The following TBC1D5 variants were observed in gnomAD, a reference collection of about 807,000 sequenced individuals.
TBC1D5 encodes the protein TBC1 domain family member 5.
TBC1D5 carries 75 observed loss-of-function variants against 100.3 expected under a neutral mutation model. The observed-to-expected ratio is 0.75, with a 90% CI of 0.62 to 0.91. The LOEUF is 0.91. Among genes scored for constraint, TBC1D5 ranks in the 40% least tolerant of loss-of-function variants. The pLI is 0.00. For missense variants in TBC1D5, 910 were observed against 942.4 expected, an observed-to-expected ratio of 0.97 and a Z score of 0.45; for synonymous variants, 323 against 325.6, an observed-to-expected ratio of 0.99 and a Z score of 0.09.
intron 3 of TBC1D5, among the ~76,000 whole-genome samples, chr3:17,485,984 C>T (rs1001379748): frequency 1.3e-5 from 2 of 152,000 alleles, no homozygotes; most frequent in Non-Finnish European, 2.9e-5. Context: ...CCTATTTCTC[C>T]ACATCCTCTC....
intron 16 of TBC1D5, among the ~76,000 whole-genome samples, chr3:17,239,420 C>T (rs1000192412): frequency 6.6e-6 from 1 of 152,108 alleles, no homozygotes; most frequent in Non-Finnish European, 1.5e-5. Flanking sequence ...TGTATATGTA[C>T]ACTAAATTCT....
chr3:17,240,690 C>T (rs926769785), intron 16 of TBC1D5, among the ~76,000 whole-genome samples: 2 of 152,112 alleles, frequency 1.3e-5, no homozygotes, highest in African/African-American at 4.8e-5. Flanking sequence ...GAAAAGCTAT[C>T]ATGGACTGAA....
intron 8 of TBC1D5, among the ~76,000 whole-genome samples, chr3:17,400,794 T>C (rs1340565484): frequency 5.3e-5 from 8 of 152,110 alleles, no homozygotes; most frequent in Admixed American, 2.0e-4. Flanking sequence ...GCCTTCATCT[T>C]TCTCCCACGG....
At chr3:17,326,088 G>A (rs1044851218) in intron 13 of TBC1D5, among the ~76,000 whole-genome samples, 3 of 152,060 alleles carry the variant, frequency 2.0e-5, no homozygotes, top group Non-Finnish European at 4.4e-5. Flanking sequence ...AGGAAGAAAA[G>A]AATATTAAAT....
intron 16 of TBC1D5, among the ~76,000 whole-genome samples, chr3:17,256,439 TA>T (rs1158478461): frequency 6.1e-5 from 9 of 148,316 alleles, no homozygotes; most frequent in Admixed American, 3.4e-4. Context: ...AATATATATA[TA>T]AACTCATTGT....
chr3:17,659,033 G>C (rs1439278956), intron 1 of TBC1D5, among the ~76,000 whole-genome samples: 3 of 152,158 alleles, frequency 2.0e-5, no homozygotes, highest in Non-Finnish European at 4.4e-5. Flanking sequence ...GCAAGATTCA[G>C]ATTCCCCATC....
At chr3:17,636,694 G>C (rs1033765138) in intron 1 of TBC1D5, among the ~76,000 whole-genome samples, 6 of 151,876 alleles carry the variant, frequency 4.0e-5, no homozygotes, top group Non-Finnish European at 8.8e-5. Context: ...CCAGCTACTA[G>C]GGAGGCTGAG....
chr3:17,529,423 C>A (rs986884947), intron 2 of TBC1D5, among the ~76,000 whole-genome samples: 15 of 152,076 alleles, frequency 9.9e-5, no homozygotes, highest in African/African-American at 2.4e-4. Flanking sequence ...TAGATTAGTT[C>A]TCTTCCTTAC....
intron 14 of TBC1D5, among the ~76,000 whole-genome samples, chr3:17,299,791 G>A (rs1006151514): frequency 3.3e-5 from 5 of 150,682 alleles, no homozygotes; most frequent in East Asian, 2.0e-4. Context: ...CCCGGGAGGC[G>A]GAGCTTGCAG....
chr3:17,514,341 AT>A (rs1414703134), intron 2 of TBC1D5, among the ~76,000 whole-genome samples: 5 of 152,348 alleles, frequency 3.3e-5, no homozygotes, highest in African/African-American at 9.6e-5. Flanking sequence ...GTCTTAATAC[AT>A]GTCATTCAAT....
intron 13 of TBC1D5, chr3:17,333,238 G>A (rs2087139225): frequency 6.6e-6 from 1 of 152,258 alleles, no homozygotes; most frequent in African/African-American, 2.4e-5. Flanking sequence ...CACTAATCTT[G>A]TAAACAATTT....
intron 1 of TBC1D5, among the ~76,000 whole-genome samples, chr3:17,652,305 T>C (rs1271549879): frequency 6.6e-6 from 1 of 152,094 alleles, no homozygotes; most frequent in African/African-American, 2.4e-5. Flanking sequence ...TTTTTAAAAA[T>C]CAATACTACA....
intron 19 of TBC1D5, among the ~76,000 whole-genome samples, chr3:17,181,981 A>G (rs998321203): frequency 6.6e-6 from 1 of 152,192 alleles, no homozygotes; most frequent in African/African-American, 2.4e-5. Context: ...TTCTCCTTTA[A>G]TAATGAGAAA....
chr3:17,699,416 A>G, intron 1 of TBC1D5, among the ~76,000 whole-genome samples: 1 of 117,604 alleles, frequency 8.5e-6, no homozygotes, highest in African/African-American at 3.1e-5. Context: ...GGGGGGAGGG[A>G]TAGCATTGGG....
intron 4 of TBC1D5, among the ~76,000 whole-genome samples, chr3:17,409,833 T>C (rs1186929003): frequency 6.6e-6 from 1 of 152,034 alleles, no homozygotes; most frequent in Non-Finnish European, 1.5e-5. Context: ...GTAGCAGAGG[T>C]TGGTTCACGA....
chr3:17,308,215 A>C (rs970179578), intron 13 of TBC1D5, 81 bp from the exon 14 acceptor site: 2 of 1,368,642 alleles, frequency 1.5e-6, no homozygotes, highest in Non-Finnish European at 9.6e-7. Flanking sequence ...AACTGTGAAA[A>C]ACTATTAACT....
At chr3:17,732,720 A>AAAAAAAAT (rs142854083) in intron 1 of TBC1D5, among the ~76,000 whole-genome samples, 6 of 144,812 alleles carry the variant, frequency 4.1e-5, no homozygotes, top group Admixed American at 1.4e-4. Flanking sequence ...CCGTCTCAAA[A>AAAAAAAAT]AAATAAATAA....
exon 22 of TBC1D5, chr3:17,158,384 CA>C (rs776598862): frequency 5.3e-5 from 8 of 152,108 alleles, no homozygotes; most frequent in Non-Finnish European, 8.8e-5. Context: ...TACAATTAAA[CA>C]TAAGTATCTG....
chr3:17,269,490 A>T (rs1037135339), intron 15 of TBC1D5, among the ~76,000 whole-genome samples: 4 of 152,060 alleles, frequency 2.6e-5, no homozygotes, highest in Non-Finnish European at 4.4e-5. Context: ...TTCTTCTTTA[A>T]CTTCAATTTT....
Sources: allele counts gnomAD v4.1 joint callset (sites outside exome capture counted in the v4.1 genomes callset), GRCh38; gene constraint gnomAD v4.1.1; transcripts MANE v1.5; gene names NCBI Gene and HGNC (gene_info 2026-07-23, HGNC 2026-07-21).